The following SIRPG variants were observed in gnomAD, a reference collection of about 807,000 sequenced individuals.
SIRPG encodes the protein signal-regulatory protein gamma.
A neutral mutation model predicts 35.7 loss-of-function variants in SIRPG; 38 were observed. The ratio of observed to expected loss-of-function variants is 1.06; its 90% CI spans 0.82 to 1.40. SIRPG has a LOEUF of 1.40. SIRPG is among the 40% of genes most tolerant of loss of function. The pLI is 0.00. For synonymous variants in SIRPG, 215 were observed against 190.4 expected, an observed-to-expected ratio of 1.13 and a Z score of -1.06; for missense variants, 519 against 483.0, an observed-to-expected ratio of 1.07 and a Z score of -0.70.
At chr20:1,637,045 G>A (rs1026546830) in intron 2 of SIRPG, among the ~76,000 whole-genome samples, 2 of 152,176 alleles carry the variant, frequency 1.3e-5, no homozygotes, top group African/African-American at 4.8e-5. Context: ...ATTAAATGGG[G>A]CCATGGAAGA....
the SIRPG span, among the ~76,000 whole-genome samples, chr20:1,663,128 A>G: frequency 6.6e-6 from 1 of 152,118 alleles, no homozygotes; most frequent in South Asian, 2.1e-4. Flanking sequence ...CCTGGCTACC[A>G]CAGTGAAACC....
At chr20:1,645,936 A>G (rs549168467) in intron 2 of SIRPG, 62 of 152,402 alleles carry the variant, frequency 4.1e-4, no homozygotes, top group African/African-American at 1.5e-3. Flanking sequence ...AGACTGGCTT[A>G]AGATTACACA....
chr20:1,644,547 C>T (rs944629969), intron 2 of SIRPG, among the ~76,000 whole-genome samples: 1 of 152,058 alleles, frequency 6.6e-6, no homozygotes, highest in Non-Finnish European at 1.5e-5. Context: ...GCTCAGATGG[C>T]TTAAACAGCA....
Position 1,650,652 on chromosome 20 carries a change from A to G in SIRPG, c.74-1244T>C, listed in dbSNP as rs192284945. ...AATACACATTATTAGAGTTCCGGGG[A>G]AAAAAAAGAGGAAGAGAAAAAAGAG... is the stretch of plus-strand genomic sequence containing the variant. On this transcript the variant is annotated intron_variant, in intron 1 of 5. Coordinates refer to ENST00000303415, the MANE Select transcript of SIRPG (RefSeq NM_018556.4). Among the ~76,000 whole-genome samples the G allele has an allele frequency of 4.3e-4, 66 of 151,932 alleles. 1 individual carries two copies. In the East Asian group the frequency reaches 8.7e-3, roughly 20 times the overall value.
At chr20:1,632,659 A>T (rs1206553290) in intron 4 of SIRPG, among the ~76,000 whole-genome samples, 1 of 152,106 alleles carries the variant, frequency 6.6e-6, no homozygotes, top group Admixed American at 6.5e-5. Context: ...GAATAGGAGA[A>T]ATTCCAAGGT....
At chr20:1,661,649 C>T (rs1459353772), upstream of SIRPG, among the ~76,000 whole-genome samples, 6 of 152,180 alleles carry the variant, frequency 3.9e-5, no homozygotes, top group Admixed American at 2.0e-4. Flanking sequence ...GAAAGGAGGG[C>T]ATCTGCTTAT....
At chr20:1,631,312 C>T (rs1568721836) in intron 4 of SIRPG, among the ~76,000 whole-genome samples, 1 of 152,190 alleles carries the variant, frequency 6.6e-6, no homozygotes, top group Non-Finnish European at 1.5e-5. Flanking sequence ...AGGAAAGCTG[C>T]ACTGCCCAAT....
chr20:1,673,563 G>A, the SIRPG span, among the ~76,000 whole-genome samples: 7 of 152,120 alleles, frequency 4.6e-5, no homozygotes, highest in African/African-American at 1.4e-4. Context: ...AGAACAAAGA[G>A]GAGCAGAAAC....
At chr20:1,667,552 G>C in the SIRPG span, among the ~76,000 whole-genome samples, 1 of 152,340 alleles carries the variant, frequency 6.6e-6, no homozygotes, top group African/African-American at 2.4e-5. Flanking sequence ...TCCTGAGAGA[G>C]AGAGAGAGGA....
At chr20:1,648,796 A>G (rs2091916312) in intron 2 of SIRPG, among the ~76,000 whole-genome samples, 1 of 152,162 alleles carries the variant, frequency 6.6e-6, no homozygotes, top group Admixed American at 6.5e-5. Flanking sequence ...GCTGGGCCAG[A>G]TTGGGAAGGA....
upstream of SIRPG, among the ~76,000 whole-genome samples, chr20:1,662,004 G>A (rs1335012269): frequency 6.6e-6 from 1 of 152,208 alleles, no homozygotes; most frequent in Non-Finnish European, 1.5e-5. Context: ...TGTGGCTGTA[G>A]CAGCTTTCTG....
chr20:1,663,185 C>T, the SIRPG span, among the ~76,000 whole-genome samples: 10 of 151,886 alleles, frequency 6.6e-5, no homozygotes, highest in Non-Finnish European at 1.2e-4. Flanking sequence ...TGGTGGTGGG[C>T]GCCTGTAGTC....
At chr20:1,655,780 G>A (rs1422156495) in intron 1 of SIRPG, among the ~76,000 whole-genome samples, 3 of 151,966 alleles carry the variant, frequency 2.0e-5, no homozygotes, top group East Asian at 1.9e-4. Context: ...TTGTACATAA[G>A]TATACATACT....
chr20:1,644,055 G>A (rs1158116406), intron 2 of SIRPG, among the ~76,000 whole-genome samples: 2 of 152,188 alleles, frequency 1.3e-5, no homozygotes, highest in African/African-American at 4.8e-5. Flanking sequence ...TGGGTGGCAC[G>A]GGGAGCAGGA....
the SIRPG span, among the ~76,000 whole-genome samples, chr20:1,667,128 C>T: frequency 0.018 from 2,777 of 152,270 alleles, 101 homozygotes; most frequent in African/African-American, 0.062. Context: ...AACTCTTGGG[C>T]TCAAGTGATC....
At chr20:1,663,804 C>T in the SIRPG span, among the ~76,000 whole-genome samples, 1 of 152,264 alleles carries the variant, frequency 6.6e-6, no homozygotes, top group Non-Finnish European at 1.5e-5. Flanking sequence ...TCAGAAACAA[C>T]TAGTGTTTCC....
rs1342430799 is a variant in SIRPG at position 1,657,738 on chromosome 20, C to G, written c.-24G>C. The G allele has an allele frequency of 1.2e-6, 2 of 1,609,728 alleles. No individual in the cohort carries two copies. The highest frequency in any genetic ancestry group is 1.1e-5 in the South Asian group (1 of 90,930). On this transcript the variant is annotated 5_prime_UTR_variant, in exon 1 of 6. Transcript: ENST00000303415. ...ATTTTGGAGACCTCAGAAGCCTGCT[C>G]TGTTCAAACGTCTGTTCTGGGGAGA...
chr20:1,636,564 A>C (rs2091804919), intron 2 of SIRPG, 59 bp from the exon 3 acceptor site: 4 of 1,536,530 alleles, frequency 2.6e-6, no homozygotes, highest in Non-Finnish European at 3.6e-6. Context: ...ACTAACGATG[A>C]GTGTGTGACA....
At chr20:1,675,224 G>C in the SIRPG span, among the ~76,000 whole-genome samples, 3 of 152,232 alleles carry the variant, frequency 2.0e-5, no homozygotes, top group Admixed American at 2.0e-4. Flanking sequence ...GCACCAAGAA[G>C]GGGTGGGCAC....
Sources: gnomAD v4.1 joint callset for allele counts (sites outside exome capture counted in the v4.1 genomes callset) on GRCh38, gnomAD v4.1.1 for gene constraint, MANE v1.5 for transcripts, NCBI Gene and HGNC (gene_info 2026-07-23, HGNC 2026-07-21) for gene names.